Variants in GCC2 observed in about 807,000 individuals in gnomAD.
GCC2 encodes the protein GRIP and coiled-coil domain containing 2.
In GCC2, 120 loss-of-function variants were observed where a neutral mutation model predicts 210.6. The observed-to-expected ratio is 0.57, with a 90% CI of 0.49 to 0.66. The LOEUF (loss-of-function observed/expected upper bound fraction) is 0.66. GCC2 is among the 30% of genes least tolerant of loss of function. The pLI, the probability that GCC2 is intolerant of heterozygous loss-of-function variation, is 0.00. For missense variants in GCC2, 1,868 were observed against 1,871.9 expected (o/e 1.00, Z 0.04); for synonymous variants, 703 against 652.7 (o/e 1.08, Z -1.17).
intron 4 of GCC2, among the ~76,000 whole-genome samples, chr2:108,468,080 G>A (rs1164116837): frequency 8.2e-6 from 1 of 122,372 alleles, no homozygotes; most frequent in African/African-American, 3.1e-5. Context: ...TTTTTTTTTT[G>A]ACACATAGTC....
In GCC2 at chr2:108,470,013, G is replaced by A; in HGVS notation, c.684G>A (p.Gln228=). ...QLQNIIEANS[Q]HYQKNINSLQ... ...AAAATATCATTGAGGCTAATTCTCA[G>A]CATTACCAAAAAAATATTAATAGTT... is the stretch of plus-strand genomic sequence containing the variant. The change falls in exon 6 of 23, where the codon CAG becomes CAA. Residue 228 remains glutamine (Q), a synonymous_variant. Coordinates refer to ENST00000309863, the MANE Select transcript of GCC2 (RefSeq NM_181453.4). 6.2e-7 allele frequency: 1 copy of A among 1,612,692 alleles called. No individual in the cohort carries two copies.
At position 108,471,489 on chromosome 2, in the gene GCC2, TAAAG is replaced by T. The variant is rs757374682; in HGVS notation, c.2163_2166del (p.Lys721AsnfsTer6). 1.2e-6 allele frequency: 2 copies of T among 1,609,626 alleles called. No individual in the cohort carries two copies. The highest frequency in any genetic ancestry group is 1.7e-6 in the Non-Finnish European group (2 of 1,178,498). Reference sequence around the variant, plus strand: ...TGTCTCAAAAAGAAGATGTTATCCTTAAAGAACATATTACTCAATTAGAAAAGAA... The same window carrying T: ...TGTCTCAAAAAGAAGATGTTATCCTTAACATATTACTCAATTAGAAAAGAA... On this transcript the variant is annotated frameshift_variant, in exon 6 of 23. Coordinates refer to ENST00000309863, the MANE Select transcript of GCC2 (RefSeq NM_181453.4). LOFTEE classifies it high-confidence loss of function.
chr2:108,452,839 G>A (rs192384682), intron 4 of GCC2, among the ~76,000 whole-genome samples: 2,303 of 151,672 alleles, frequency 0.015, 35 homozygotes, highest in Non-Finnish European at 0.02. Context: ...GACTACAGGC[G>A]CCCGCCACCA....
At position 108,451,101 on chromosome 2, in the gene GCC2, CA is replaced by C; in HGVS notation, c.139del (p.Arg47GlyfsTer28). 6.3e-7 allele frequency: 1 copy of C among 1,598,656 alleles called. No homozygotes were observed. The highest frequency in any genetic ancestry group is 1.7e-4 in the Middle Eastern group (1 of 6,030). ...KQMMLIQKAK[S>X]RCTELEKEIE... ...ATGATGCTAATACAGAAAGCTAAAT[CA>C]AGGTGTACAGGTATTGGGTTGAAAA... On this transcript the variant is annotated frameshift_variant, in exon 3 of 23. Coordinates refer to ENST00000309863, the MANE Select transcript of GCC2 (RefSeq NM_181453.4). LOFTEE classifies it high-confidence loss of function.
intron 16 of GCC2, among the ~76,000 whole-genome samples, chr2:108,487,238 T>G (rs1248350816): frequency 6.6e-6 from 1 of 152,240 alleles, no homozygotes; most frequent in Non-Finnish European, 1.5e-5. Context: ...AAATGTTTAT[T>G]AAGTTCCAAA....
rs1411508380 is a variant in GCC2 at position 108,485,824 on chromosome 2, T to C, written c.3715-7T>C. 16 of 1,549,462 alleles carry C rather than the reference T, an allele frequency of 1.0e-5. No homozygotes were observed. Among genetic ancestry groups the C allele is most frequent in the Non-Finnish European group, 1.4e-5 (16 of 1,140,536 alleles). On this transcript the variant is annotated splice_polypyrimidine_tract_variant and splice_region_variant and intron_variant, in intron 14 of 22. Coordinates refer to ENST00000309863, the MANE Select transcript of GCC2 (RefSeq NM_181453.4). ...AAAAAAATTTAACCAAGATTCTCAT[T>C]CTATAGGAAACTGATCACTTAATAC...
chr2:108,475,983 G>A (rs1681494561), intron 9 of GCC2, 133 bp downstream of exon 9: 1 of 455,126 alleles, frequency 2.2e-6, no homozygotes, highest in Non-Finnish European at 4.0e-6. Context: ...TCTTTATTCT[G>A]TTTTGGGGTG....
At chr2:108,464,223 G>T (rs1245211371) in intron 4 of GCC2, among the ~76,000 whole-genome samples, 1 of 152,162 alleles carries the variant, frequency 6.6e-6, no homozygotes, top group Admixed American at 6.5e-5. Flanking sequence ...CATCACCTGT[G>T]CGTCGGCCCA....
rs201621970 is a variant in GCC2 at position 108,475,723 on chromosome 2, C to T, written c.2962-29C>T. The stretch of plus-strand genomic sequence containing the variant: ...CTATCCATTAAAAAAAAACAAAAAC[C>T]TCTTTAATTTTACTTGTGTTTAAAA... On this transcript the variant is annotated intron_variant, in intron 8 of 22. Coordinates refer to ENST00000309863, the MANE Select transcript of GCC2 (RefSeq NM_181453.4). The T allele has an allele frequency of 5.7e-5, 87 of 1,520,202 alleles. No individual in the cohort carries two copies. In the African/African-American group the frequency reaches 1.1e-3, roughly 19 times the overall value. The allele number at this position is 1,520,202 out of a possible 1,614,324, so 94.2% of individuals were successfully genotyped here. A position where few individuals can be genotyped will look rare whatever the true frequency, so the allele number is the denominator to read the frequency against.
At chr2:108,482,122 T>C (rs1681891787) in intron 10 of GCC2, among the ~76,000 whole-genome samples, 165 bp from the exon 11 acceptor site, 1 of 152,248 alleles carries the variant, frequency 6.6e-6, no homozygotes, top group Non-Finnish European at 1.5e-5. Flanking sequence ...AGTATTTCAA[T>C]GACAGATTTT....
Position 108,472,903 on chromosome 2 carries a change from A to G in GCC2, c.2860+4A>G. On this transcript the variant is annotated splice_donor_region_variant and intron_variant, in intron 7 of 22. Transcript: ENST00000309863. ...AAAGAGTTGGAAGAAAAAATAGGTA[A>G]CTATGGTTTTGCAGATGTTGTCACA... The G allele has an allele frequency of 6.6e-7, 1 of 1,521,858 alleles. No homozygotes were observed. Among genetic ancestry groups the G allele is most frequent in the Non-Finnish European group, 9.0e-7 (1 of 1,106,176 alleles). The allele number at this position is 1,521,858 out of a possible 1,614,324, so 94.3% of individuals were successfully genotyped here. A position where few individuals can be genotyped will look rare whatever the true frequency, so the allele number is the denominator to read the frequency against.
rs758118731 is a variant in GCC2, at chr2:108,483,101, G to A, written c.3385G>A (p.Val1129Ile). The A allele has an allele frequency of 6.9e-6, 11 of 1,596,416 alleles. No homozygotes were observed. In the Admixed American group the frequency reaches 1.2e-4, roughly 17 times the overall value. ...TTVNELEELQ[V>I]QLQKQKKQLQ... ...TGTAAATGAACTTGAAGAACTTCAGGTACAACTTCAAAAGCAAAAGAAACA... is the reference window on the plus strand; with the variant it reads ...TGTAAATGAACTTGAAGAACTTCAGATACAACTTCAAAAGCAAAAGAAACA... The change falls in exon 12 of 23, where the codon GTA becomes ATA. Residue 1129 changes from valine (V) to isoleucine (I), a missense_variant. By Grantham distance (29) the Val-to-Ile change is conservative. This residue lies in a region of GCC2 where 1,847 missense variants were observed against 1,765.2 expected (regional missense o/e 1.05). Coordinates refer to ENST00000309863, the MANE Select transcript of GCC2 (RefSeq NM_181453.4).
chr2:108,455,380 AG>A (rs1477843957), intron 4 of GCC2, among the ~76,000 whole-genome samples: 2 of 152,150 alleles, frequency 1.3e-5, no homozygotes, highest in African/African-American at 4.8e-5. Flanking sequence ...CAGAGGTTGC[AG>A]TGAGCTGAGA....
intron 22 of GCC2, among the ~76,000 whole-genome samples, chr2:108,506,328 C>G (rs1177086907): frequency 1.3e-5 from 2 of 152,224 alleles, no homozygotes; most frequent in Non-Finnish European, 2.9e-5. Context: ...ATGGATAATT[C>G]TCAAATGCCT....
At chr2:108,454,741 TTC>T (rs1292048273) in intron 4 of GCC2, among the ~76,000 whole-genome samples, 3 of 152,294 alleles carry the variant, frequency 2.0e-5, no homozygotes, top group Admixed American at 2.0e-4. Flanking sequence ...TAATAATACT[TTC>T]TGTTTGTAGG....
At chr2:108,496,728 A>T in intron 20 of GCC2, 1 of 599,126 alleles carries the variant, frequency 1.7e-6, no homozygotes, top group Non-Finnish European at 2.8e-6. Flanking sequence ...AAATTTCAGA[A>T]CTGGGACTCA....
intron 4 of GCC2, among the ~76,000 whole-genome samples, chr2:108,462,348 G>A (rs1213881954): frequency 6.9e-6 from 1 of 144,498 alleles, no homozygotes; most frequent in Non-Finnish European, 1.5e-5. Context: ...AAAAAAATTA[G>A]CTGGGTGTGG....
chr2:108,454,993 AAC>A (rs1210218867), intron 4 of GCC2, among the ~76,000 whole-genome samples: 1 of 151,752 alleles, frequency 6.6e-6, no homozygotes, highest in East Asian at 1.9e-4. Flanking sequence ...AGTGTTAGAA[AAC>A]ACTCTAGAAA....
At chr2:108,493,159 G>A (rs977379357) in intron 19 of GCC2, 7 of 274,140 alleles carry the variant, frequency 2.6e-5, no homozygotes, top group South Asian at 8.3e-5. Flanking sequence ...GCGCGATCTC[G>A]GCTCACTGCA....
Sources: allele counts gnomAD v4.1 joint callset (sites outside exome capture counted in the v4.1 genomes callset), GRCh38; gene constraint gnomAD v4.1.1; regional missense constraint gnomAD v4.1.1; transcripts MANE v1.5; gene names NCBI Gene and HGNC (gene_info 2026-07-23, HGNC 2026-07-21).